Variants in ICA1 observed in about 807,000 individuals in gnomAD.
ICA1 encodes the protein islet cell autoantigen 1.
ICA1 carries 40 observed loss-of-function variants against 71.0 expected under a neutral mutation model. That is an observed-to-expected ratio of 0.56 (90% CI 0.44 to 0.73). The LOEUF (loss-of-function observed/expected upper bound fraction) is 0.73, where lower values mean the gene tolerates loss of function less well. Ranked by LOEUF, ICA1 falls within the 30% of genes least tolerant of loss-of-function variation. The pLI is 0.00. For missense variants in ICA1, 578 were observed against 576.5 expected (o/e 1.00, Z -0.03); for synonymous variants, 207 against 209.5 (o/e 0.99, Z 0.10).
rs185174580 is a variant in ICA1 at position 8,216,600 on chromosome 7, C to T, written c.579+1705G>A. Among the ~76,000 whole-genome samples, 254 of 95,724 alleles carry T rather than the reference C, an allele frequency of 2.7e-3. 2 individuals are homozygous for T. Among genetic ancestry groups the T allele is most frequent in the Non-Finnish European group, 4.4e-3 (215 of 48,702 alleles). 62.8% of individuals were successfully genotyped at this position (95,724 alleles called of 152,430 possible). A position where few individuals can be genotyped will look rare whatever the true frequency, so the allele number is the denominator to read the frequency against. ...AAACAAAACCAAAAAAAAAATTCCA[C>T]ATAAAATTCTTCTGCCTTCCAGAAT... On this transcript the variant is annotated intron_variant, in intron 6 of 13. Transcript: ENST00000402384.
At chr7:8,142,539 G>A (rs1795580014) in intron 9 of ICA1, among the ~76,000 whole-genome samples, 1 of 152,180 alleles carries the variant, frequency 6.6e-6, no homozygotes, top group Non-Finnish European at 1.5e-5. Context: ...AAAGGTGAAT[G>A]CTTTATTTTG....
intron 1 of ICA1, among the ~76,000 whole-genome samples, chr7:8,236,620 G>C (rs181785239): frequency 6.6e-6 from 1 of 152,262 alleles, no homozygotes; most frequent in East Asian, 1.9e-4. Flanking sequence ...ACCAAAAAAG[G>C]GTTGATATGC....
At chr7:8,201,417 T>C (rs530835470) in intron 6 of ICA1, among the ~76,000 whole-genome samples, 2 of 152,148 alleles carry the variant, frequency 1.3e-5, no homozygotes, top group South Asian at 2.1e-4. Context: ...TGCCCACCCG[T>C]TTCTGGGCTG....
chr7:8,155,543 TC>T lies in ICA1; in HGVS notation c.804+1572del, dbSNP rs145396575. ...TATGCAACTAACTCATGCCTGAAGTTCTTCTGAATTATACTTGGGGTAGGCA... is the reference window on the plus strand; with the variant it reads ...TATGCAACTAACTCATGCCTGAAGTTTTCTGAATTATACTTGGGGTAGGCA... On this transcript the variant is annotated intron_variant, in intron 8 of 13. Coordinates refer to ENST00000402384, the MANE Select transcript of ICA1 (RefSeq NM_001136020.3). 7.1e-3 allele frequency among the ~76,000 whole-genome samples: 1,082 copies of T among 152,358 alleles called. 22 individuals are homozygous for T. The highest frequency in any genetic ancestry group is 0.025 in the African/African-American group (1,049 of 41,594).
At chr7:8,249,129 C>T (rs940108538) in intron 1 of ICA1, among the ~76,000 whole-genome samples, 1 of 152,248 alleles carries the variant, frequency 6.6e-6, no homozygotes, top group African/African-American at 2.4e-5. Context: ...ATGCTACAGG[C>T]TCCCTGTGAT....
chr7:8,236,922 G>A (rs1177920721), intron 1 of ICA1: 1 of 152,266 alleles, frequency 6.6e-6, no homozygotes, highest in African/African-American at 2.4e-5. Context: ...TGCCCAGACT[G>A]CTTCACAAAA....
At chr7:8,259,029 A>G (rs1010420721) in intron 1 of ICA1, among the ~76,000 whole-genome samples, 1 of 152,124 alleles carries the variant, frequency 6.6e-6, no homozygotes, top group Non-Finnish European at 1.5e-5. Context: ...TCTGTGGGAG[A>G]CCCTAGGGAT....
chr7:8,203,714 G>GA (rs968999610), intron 6 of ICA1, among the ~76,000 whole-genome samples: 2 of 152,136 alleles, frequency 1.3e-5, no homozygotes, highest in Non-Finnish European at 2.9e-5. Context: ...GTCTGCAGGG[G>GA]GCCTGTTAAT....
At chr7:8,143,852 G>C (rs371338558) in intron 9 of ICA1, 23 bp downstream of exon 9, 1 of 1,486,926 alleles carries the variant, frequency 6.7e-7, no homozygotes, top group Non-Finnish European at 9.4e-7. Flanking sequence ...GAAAGATGCA[G>C]AGGGAAGGAA....
chr7:8,131,642 A>C (rs73235869), intron 12 of ICA1, among the ~76,000 whole-genome samples: 1 of 152,138 alleles, frequency 6.6e-6, no homozygotes, highest in Admixed American at 6.5e-5. Flanking sequence ...AAACACAAAA[A>C]CCTCCCAATT....
chr7:8,222,491 A>G lies in ICA1; in HGVS notation c.257-1093T>C, dbSNP rs1797424494. On this transcript the variant is annotated intron_variant, in intron 4 of 13. Coordinates refer to ENST00000402384, the MANE Select transcript of ICA1 (RefSeq NM_001136020.3). The surrounding 1 kb of genome is among the most constrained non-coding windows in gnomAD (Gnocchi z 4.8). ...CTAGGATTCTTGTCAGCTTTCACAA[A>G]CCAGTCACTTTTCTTTAAGAATGCA... 6.6e-6 allele frequency among the ~76,000 whole-genome samples: 1 copy of G among 152,170 alleles called. No homozygotes were observed. Among genetic ancestry groups the G allele is most frequent in the Non-Finnish European group, 1.5e-5 (1 of 68,030 alleles).
intron 13 of ICA1, among the ~76,000 whole-genome samples, chr7:8,117,978 T>C (rs3807850): frequency 0.2 from 30,171 of 152,222 alleles, 3,484 homozygotes; most frequent in African/African-American, 0.32. Context: ...CCAGGGACAA[T>C]GTATTATTCA....
At chr7:8,228,970 G>C (rs1405038525) in intron 3 of ICA1, among the ~76,000 whole-genome samples, 2 of 152,096 alleles carry the variant, frequency 1.3e-5, no homozygotes, top group Admixed American at 1.3e-4. Context: ...GACATCCTAA[G>C]TGAAGGGCCT....
At chr7:8,211,688 G>C (rs1489895139) in intron 6 of ICA1, among the ~76,000 whole-genome samples, 1 of 152,202 alleles carries the variant, frequency 6.6e-6, no homozygotes, top group Non-Finnish European at 1.5e-5. Context: ...TTTATGGTAT[G>C]TGTTTCTTTT....
At chr7:8,157,388 G>A in intron 7 of ICA1, 174 bp from the exon 8 acceptor site, 2 of 641,178 alleles carry the variant, frequency 3.1e-6, no homozygotes, top group Non-Finnish European at 5.0e-6. Flanking sequence ...CAAACTAAAT[G>A]CCTCCCTGTT....
In ICA1 at chr7:8,234,202, C is replaced by T. The variant is rs113005289; in HGVS notation, c.18-1447G>A. Among the ~76,000 whole-genome samples, 1,453 of 151,976 alleles carry T rather than the reference C, an allele frequency of 9.6e-3. 22 individuals are homozygous for T. Among genetic ancestry groups the T allele is most frequent in the African/African-American group, 0.033 (1,372 of 41,402 alleles). On this transcript the variant is annotated intron_variant, in intron 2 of 13. Transcript: ENST00000402384. This position sits in a 1 kb window ranked among gnomAD's most constrained non-coding sequence, Gnocchi z 4.5. ...CTGCACTTCATCCTGGGATACGGGG[C>T]GAGACCCTGTCCCTCAAAAAAGAAA...
intron 6 of ICA1, among the ~76,000 whole-genome samples, chr7:8,186,390 G>C (rs1390986473): frequency 6.6e-6 from 1 of 152,180 alleles, no homozygotes; most frequent in African/African-American, 2.4e-5. Context: ...ATTGGACCTA[G>C]GGAAGGAGAG....
Position 8,252,465 on chromosome 7 carries a change from C to A in ICA1, c.-80+9629G>T, listed in dbSNP as rs112204350. Among the ~76,000 whole-genome samples the A allele has an allele frequency of 6.6e-4, 100 of 152,176 alleles. 1 individual carries two copies. The highest frequency in any genetic ancestry group is 2.3e-3 in the African/African-American group (97 of 41,528). ...AAATTTTCTTTTTATGGAAGAATAA[C>A]CTCAGATAAATTGACTTTATCATCT... On this transcript the variant is annotated intron_variant, in intron 1 of 13. Coordinates refer to ENST00000402384, the MANE Select transcript of ICA1 (RefSeq NM_001136020.3).
intron 1 of ICA1, among the ~76,000 whole-genome samples, chr7:8,258,009 G>A (rs1211004997): frequency 6.6e-6 from 1 of 152,138 alleles, no homozygotes; most frequent in Non-Finnish European, 1.5e-5. Flanking sequence ...TTTACCTGCT[G>A]AATTCCTACT....
Sources: allele counts gnomAD v4.1 joint callset (sites outside exome capture counted in the v4.1 genomes callset), GRCh38; gene constraint gnomAD v4.1.1; non-coding constraint Gnocchi (gnomAD v3.1); transcripts MANE v1.5; gene names NCBI Gene and HGNC (gene_info 2026-07-23, HGNC 2026-07-21).